The following CA12 variants were observed in gnomAD, a reference collection of about 807,000 sequenced individuals.
CA12 encodes carbonic anhydrase 12, also known as carbonate dehydratase XII.
CA12 carries 36 observed loss-of-function variants against 46.8 expected under a neutral mutation model. That is an observed-to-expected ratio of 0.77 (90% CI 0.59 to 1.02). CA12 has a LOEUF of 1.02. Ranked by LOEUF, CA12 falls within the 50% of genes least tolerant of loss-of-function variation. The pLI is 0.00. For synonymous variants in CA12, 202 were observed against 187.0 expected, an observed-to-expected ratio of 1.08 and a Z score of -0.65; for missense variants, 436 against 451.4, an observed-to-expected ratio of 0.97 and a Z score of 0.31.
At chr15:63,366,409 C>G (rs2039435563) in intron 2 of CA12, among the ~76,000 whole-genome samples, 1 of 152,196 alleles carries the variant, frequency 6.6e-6, no homozygotes, top group Non-Finnish European at 1.5e-5. Context: ...CCCCAGGAAG[C>G]CTTCTTTAAT....
intron 8 of CA12, 118 bp downstream of exon 8, chr15:63,338,701 C>G (rs2039034885): frequency 1.4e-6 from 2 of 1,381,330 alleles, no homozygotes; most frequent in South Asian, 2.3e-5. Context: ...CCGTGGCAGC[C>G]AGGGAGCTCT....
rs2039152246 is a variant in CA12 at position 63,346,597 on chromosome 15, G to GGGCT, written c.218_219insAGCC (p.Leu74AlafsTer55). On this transcript the variant is annotated frameshift_variant, in exon 3 of 11. Transcript: ENST00000178638. LOFTEE classifies it high-confidence loss of function. The stretch of plus-strand genomic sequence containing the variant: ...ACAGATTGTAGCCTTGGAACTCGAG[G>GGGCT]GGCGTGAGGCTGGCGTCATACTGGA... 1 of 1,613,986 alleles carries GGGCT rather than the reference G, an allele frequency of 6.2e-7. No individual in the cohort carries two copies. Among genetic ancestry groups the GGGCT allele is most frequent in the African/African-American group, 1.3e-5 (1 of 74,864 alleles).
chr15:63,376,518 C>T (rs757725535), intron 1 of CA12, among the ~76,000 whole-genome samples: 2 of 151,346 alleles, frequency 1.3e-5, no homozygotes, highest in Non-Finnish European at 3.0e-5. Flanking sequence ...TTTACATTTT[C>T]TCTCTCTCTC....
At chr15:63,379,978 C>T (rs2039624220) in intron 1 of CA12, among the ~76,000 whole-genome samples, 2 of 152,310 alleles carry the variant, frequency 1.3e-5, no homozygotes, top group Middle Eastern at 3.4e-3. Flanking sequence ...TTAAATGCAC[C>T]AGGCAGAGAG....
In CA12 at chr15:63,340,344, T is replaced by C. The variant is rs1243994836; in HGVS notation, c.691A>G (p.Asn231Asp). 5 of 1,614,162 alleles carry C rather than the reference T, an allele frequency of 3.1e-6. No individual in the cohort carries two copies. Among genetic ancestry groups the C allele is most frequent in the Non-Finnish European group, 4.2e-6 (5 of 1,180,018 alleles). ...YRGSLTTPPC[N>D]PTVLWTVFRN... ...AAAACTGTCCAGAGCACAGTGGGGT[T>C]GCAAGGGGGTGTGGTCAGGGACCCC... is the stretch of plus-strand genomic sequence containing the variant. The change falls in exon 7 of 11, where the codon AAC becomes GAC. Residue 231 changes from asparagine to aspartate, a missense_variant. Transcript: ENST00000178638. This position sits in a 1 kb window ranked among gnomAD's most constrained non-coding sequence, Gnocchi z 4.4.
At position 63,331,566 on chromosome 15, in the gene CA12, C is replaced by T; in HGVS notation, c.875-3436G>A. 1 of 152,310 alleles carries T rather than the reference C, an allele frequency of 6.6e-6. No individual in the cohort carries two copies. The highest frequency in any genetic ancestry group is 1.5e-5 in the Non-Finnish European group (1 of 68,054). 9.4% of individuals were successfully genotyped at this position (152,310 alleles called of 1,614,324 possible). A position where few individuals can be genotyped will look rare whatever the true frequency, so the allele number is the denominator to read the frequency against. ...TCTGGGGCTGGCTGGTAAGAGGGTG[C>T]ACACCATGAGGACGTGGGAGAGCCG... On this transcript the variant is annotated intron_variant, in intron 8 of 10. Transcript: ENST00000178638. The surrounding 1 kb of genome is among the most constrained non-coding windows in gnomAD (Gnocchi z 5.3).
chr15:63,334,009 G>A (rs962038554), intron 8 of CA12, among the ~76,000 whole-genome samples: 2 of 152,112 alleles, frequency 1.3e-5, no homozygotes, highest in Non-Finnish European at 2.9e-5. Context: ...CAGTGTTGGT[G>A]CCACTGGCTA....
chr15:63,374,277 C>T lies in CA12; in HGVS notation c.106+1381G>A, dbSNP rs2039543776. On this transcript the variant is annotated intron_variant, in intron 2 of 10. Transcript: ENST00000178638. This position sits in a 1 kb window ranked among gnomAD's most constrained non-coding sequence, Gnocchi z 4.4. Reference sequence around the variant, plus strand: ...CACCTTGCTCTTTCTTGCTTCTGCTCAACATCACCTTAGCCAACAGCACCC... The same window carrying T: ...CACCTTGCTCTTTCTTGCTTCTGCTTAACATCACCTTAGCCAACAGCACCC... Among the ~76,000 whole-genome samples, 1 of 152,128 alleles carries T rather than the reference C, an allele frequency of 6.6e-6. No individual in the cohort carries two copies. Among genetic ancestry groups the T allele is most frequent in the East Asian group, 1.9e-4 (1 of 5,180 alleles).
chr15:63,365,235 T>C (rs796169770), intron 2 of CA12, among the ~76,000 whole-genome samples: 20 of 152,330 alleles, frequency 1.3e-4, no homozygotes, highest in African/African-American at 4.8e-4. Context: ...TTGATCCTGA[T>C]GGGGGGAAGA....
At position 63,364,332 on chromosome 15, in the gene CA12, G is replaced by GAAAAAAAAAAAAAAAAAA. The variant is rs34673043; in HGVS notation, c.106+11308_106+11325dup. Among the ~76,000 whole-genome samples the GAAAAAAAAAAAAAAAAAA allele has an allele frequency of 8.9e-5, 5 of 56,118 alleles. 1 individual carries two copies. The highest frequency in any genetic ancestry group is 1.2e-4 in the Non-Finnish European group (4 of 33,078). 36.8% of individuals were successfully genotyped at this position (56,118 alleles called of 152,430 possible). ...GTGAAACAGTGAAACCCCGTCACTA[G>GAAAAAAAAAAAAAAAAAA]AAAAAAAAAAAAAAAAAAAAAAACA... On this transcript the variant is annotated intron_variant, in intron 2 of 10. Transcript: ENST00000178638.
intron 4 of CA12, among the ~76,000 whole-genome samples, chr15:63,342,596 G>A (rs1224986919): frequency 6.6e-6 from 1 of 152,112 alleles, no homozygotes; most frequent in Non-Finnish European, 1.5e-5. Flanking sequence ...TAATGAATGT[G>A]GGCTTTTCCT....
At chr15:63,369,226 C>A (rs1226087917) in intron 2 of CA12, among the ~76,000 whole-genome samples, 1 of 152,218 alleles carries the variant, frequency 6.6e-6, no homozygotes, top group Non-Finnish European at 1.5e-5. Flanking sequence ...TATTTCCTGG[C>A]TGTAAAAACT....
At chr15:63,369,411 C>T (rs1347351730) in intron 2 of CA12, among the ~76,000 whole-genome samples, 1 of 152,168 alleles carries the variant, frequency 6.6e-6, no homozygotes, top group Admixed American at 6.5e-5. Context: ...ATGTGCTAGG[C>T]CCTGTGTGAG....
Position 63,327,381 on chromosome 15 carries a change from T to G in CA12, c.908-148A>C. The G allele has an allele frequency of 1.4e-6, 1 of 730,786 alleles. No homozygotes were observed. Among genetic ancestry groups the G allele is most frequent in the Admixed American group, 2.1e-5 (1 of 48,606 alleles). The allele number at this position is 730,786 out of a possible 1,614,324, so 45.3% of individuals were successfully genotyped here. On this transcript the variant is annotated intron_variant, in intron 9 of 10. Transcript: ENST00000178638. This position sits in a 1 kb window ranked among gnomAD's most constrained non-coding sequence, Gnocchi z 4.5. ...ATCCCTGTTCTCAGATTCTGGTCTT[T>G]GGCTTAGTGGGACTGGCTGGAGTAT...
In CA12 at chr15:63,340,779, C is replaced by A. The variant is rs2039068763; in HGVS notation, c.530G>T (p.Gly177Val). 2.5e-6 allele frequency: 4 copies of A among 1,614,030 alleles called. No individual in the cohort carries two copies. Among genetic ancestry groups the A allele is most frequent in the Non-Finnish European group, 2.5e-6 (3 of 1,179,888 alleles). Residue 177 changes from glycine to valine, a missense_variant, in exon 6 of 11, where the codon GGC becomes GTC. Transcript: ENST00000178638. This position sits in a 1 kb window ranked among gnomAD's most constrained non-coding sequence, Gnocchi z 4.4. ...LAVLAVLIEM[G>V]SFNPSYDKIF... Reference sequence around the variant, plus strand: ...CTTGTCATAGGACGGATTGAAGGAGCCCATCTGCAACAGAGACAGGGCAGG... The same window carrying A: ...CTTGTCATAGGACGGATTGAAGGAGACCATCTGCAACAGAGACAGGGCAGG...
intron 1 of CA12, among the ~76,000 whole-genome samples, chr15:63,379,499 C>T (rs1308248308): frequency 6.6e-6 from 1 of 152,218 alleles, no homozygotes; most frequent in African/African-American, 2.4e-5. Context: ...CAAGCGAGGC[C>T]AGGCCAAGGC....
At position 63,330,909 on chromosome 15, in the gene CA12, C is replaced by T. The variant is rs1409298882; in HGVS notation, c.875-2779G>A. Among the ~76,000 whole-genome samples, 1 of 152,300 alleles carries T rather than the reference C, an allele frequency of 6.6e-6. No individual in the cohort carries two copies. The highest frequency in any genetic ancestry group is 1.9e-4 in the East Asian group (1 of 5,186). ...AAATGAGACCAAACAGGCATGAAGA[C>T]AAAGAAAGGCCCAGAGACTGGGACA... On this transcript the variant is annotated intron_variant, in intron 8 of 10. Coordinates refer to ENST00000178638, the MANE Select transcript of CA12 (RefSeq NM_001218.5). This position sits in a 1 kb window ranked among gnomAD's most constrained non-coding sequence, Gnocchi z 4.0.
At chr15:63,351,628 A>C (rs189861304) in intron 2 of CA12, among the ~76,000 whole-genome samples, 18 of 152,292 alleles carry the variant, frequency 1.2e-4, no homozygotes, top group Admixed American at 2.6e-4. Context: ...GTTATGAAAA[A>C]ATCTGCTCAA....
In CA12 at chr15:63,345,254, G is replaced by A. The variant is rs1425786753; in HGVS notation, c.429+223C>T. Among the ~76,000 whole-genome samples the A allele has an allele frequency of 6.6e-6, 1 of 152,170 alleles. No homozygotes were observed. Among genetic ancestry groups the A allele is most frequent in the Admixed American group, 6.5e-5 (1 of 15,280 alleles). ...CAGCATCACTCAGTAAAAGACACAG[G>A]GACAAACTTAGCATGTTCAGGAGAA... On this transcript the variant is annotated intron_variant, in intron 4 of 10. Transcript: ENST00000178638. This position sits in a 1 kb window ranked among gnomAD's most constrained non-coding sequence, Gnocchi z 4.3.
Sources: gnomAD v4.1 joint callset for allele counts (sites outside exome capture counted in the v4.1 genomes callset) on GRCh38, gnomAD v4.1.1 for gene constraint, Gnocchi (gnomAD v3.1) non-coding constraint, MANE v1.5 for transcripts, NCBI Gene and HGNC (gene_info 2026-07-23, HGNC 2026-07-21) for gene names.